Variants in PRKD1 observed in about 807,000 individuals in gnomAD.
PRKD1 encodes the protein protein kinase D1.
PRKD1 carries 63 observed loss-of-function variants against 95.9 expected under a neutral mutation model. That is an observed-to-expected ratio of 0.66 (90% CI 0.54 to 0.81). The LOEUF (loss-of-function observed/expected upper bound fraction) is 0.81, where lower values mean the gene tolerates loss of function less well. Ranked by LOEUF, PRKD1 falls within the 30% of genes least tolerant of loss-of-function variation. The pLI is 0.00. For synonymous variants in PRKD1, 425 were observed against 423.1 expected, an observed-to-expected ratio of 1.00 and a Z score of -0.05; for missense variants, 1,048 against 1,165.3, an observed-to-expected ratio of 0.90 and a Z score of 1.47.
intron 1 of PRKD1, among the ~76,000 whole-genome samples, chr14:29,845,011 A>G (rs1221104205): frequency 1.3e-5 from 2 of 152,214 alleles, no homozygotes; most frequent in Admixed American, 6.5e-5. Context: ...CAGTCTTTAC[A>G]TGTGTGCAGC....
intron 1 of PRKD1, among the ~76,000 whole-genome samples, chr14:29,883,000 A>G (rs1893569027): frequency 6.6e-6 from 1 of 152,202 alleles, no homozygotes. Context: ...GGTAATTTAT[A>G]AAGAAAAGAA....
Position 29,634,483 on chromosome 14 carries a change from TC to T in PRKD1, c.1248del (p.Lys417ArgfsTer8). On this transcript the variant is annotated frameshift_variant, in exon 8 of 18. Coordinates refer to ENST00000331968, the MANE Select transcript of PRKD1 (RefSeq NM_002742.3). LOFTEE classifies it high-confidence loss of function. The part of the protein sequence containing the change: ...LMRVVQSVKH[T>X]KRKSSTVMKE... ...TTCATGACTGTGCTGCTTTTCCTCT[TC>T]GTGTGTTTGACAGACTGCACTACCC... 1.2e-6 allele frequency: 2 copies of T among 1,614,092 alleles called. No homozygotes were observed. Among genetic ancestry groups the T allele is most frequent in the Non-Finnish European group, 1.7e-6 (2 of 1,179,972 alleles).
chr14:29,681,446 T>A (rs2139268639), intron 2 of PRKD1, among the ~76,000 whole-genome samples: 1 of 144,648 alleles, frequency 6.9e-6, no homozygotes, highest in Non-Finnish European at 1.5e-5. Context: ...GAGTAATCAG[T>A]TTTATTACAT....
chr14:29,710,303 C>A (rs1266357752), intron 2 of PRKD1, among the ~76,000 whole-genome samples: 3 of 151,960 alleles, frequency 2.0e-5, no homozygotes, highest in African/African-American at 7.3e-5. Flanking sequence ...AGTGGAGAAA[C>A]CTGACAAACA....
intron 1 of PRKD1, among the ~76,000 whole-genome samples, chr14:29,740,894 T>C (rs1260645517): frequency 9.9e-5 from 15 of 152,146 alleles, no homozygotes; most frequent in African/African-American, 2.9e-4. Context: ...AAAAATGTGG[T>C]ACATATACAC....
chr14:29,745,738 A>T (rs1052607729), intron 1 of PRKD1, among the ~76,000 whole-genome samples: 5 of 152,032 alleles, frequency 3.3e-5, no homozygotes, highest in Non-Finnish European at 5.9e-5. Flanking sequence ...GGCCTCCCAA[A>T]GCACTTGGAT....
chr14:29,760,812 T>C (rs1887943020), intron 1 of PRKD1, among the ~76,000 whole-genome samples: 1 of 152,238 alleles, frequency 6.6e-6, no homozygotes, highest in Admixed American at 6.5e-5. Flanking sequence ...GCCTTGATAA[T>C]AACAATCTTC....
intron 13 of PRKD1, among the ~76,000 whole-genome samples, chr14:29,618,732 A>C (rs1347520428): frequency 1.3e-5 from 2 of 152,052 alleles, no homozygotes; most frequent in Non-Finnish European, 2.9e-5. Context: ...TGATGATTAA[A>C]TCAGATCTTG....
intron 1 of PRKD1, among the ~76,000 whole-genome samples, chr14:29,799,018 G>A (rs750066415): frequency 2.0e-5 from 3 of 152,160 alleles, no homozygotes; most frequent in Non-Finnish European, 4.4e-5. Context: ...CGATTTGGCA[G>A]CTGCTTAAGT....
intron 1 of PRKD1, among the ~76,000 whole-genome samples, chr14:29,742,586 C>T (rs760212033): frequency 1.6e-4 from 25 of 152,050 alleles, no homozygotes; most frequent in Admixed American, 5.2e-4. Context: ...GCAAGTTACA[C>T]TTGACCCCAT....
chr14:29,813,210 G>A (rs985457386), intron 1 of PRKD1, among the ~76,000 whole-genome samples: 1 of 152,134 alleles, frequency 6.6e-6, no homozygotes, highest in African/African-American at 2.4e-5. Flanking sequence ...AAGTGTCTAT[G>A]CAAAAGCATA....
At chr14:29,696,241 T>G (rs111894259) in intron 2 of PRKD1, among the ~76,000 whole-genome samples, 1 of 41,400 alleles carries the variant, frequency 2.4e-5, no homozygotes, top group South Asian at 1.0e-3. Flanking sequence ...TATCTAGTAA[T>G]AGAGTCAGGC....
chr14:29,896,826 A>G (rs1273747780), intron 1 of PRKD1, among the ~76,000 whole-genome samples: 1 of 152,048 alleles, frequency 6.6e-6, no homozygotes, highest in African/African-American at 2.4e-5. Context: ...AAAATAAACT[A>G]TAATGTTTAG....
rs138911597 is a variant in PRKD1 at position 29,839,696 on chromosome 14, A to C, written c.264+87553T>G. On this transcript the variant is annotated intron_variant, in intron 1 of 17. Coordinates refer to ENST00000331968, the MANE Select transcript of PRKD1 (RefSeq NM_002742.3). ...TCCCAGCATTTCCATATATCCTCTG[A>C]AATCTAGGCAGAGGTTTCCAAACCT... 9.6e-4 allele frequency among the ~76,000 whole-genome samples: 146 copies of C among 152,072 alleles called. 3 individuals are homozygous for C. Among genetic ancestry groups the C allele is most frequent in the African/African-American group, 3.4e-3 (141 of 41,504 alleles).
chr14:29,894,946 C>T (rs1894069154), intron 1 of PRKD1, among the ~76,000 whole-genome samples: 1 of 152,168 alleles, frequency 6.6e-6, no homozygotes, highest in Non-Finnish European at 1.5e-5. Flanking sequence ...AAAACATGTA[C>T]GTTTAAATAA....
chr14:29,826,592 A>T (rs1458115388), intron 1 of PRKD1, among the ~76,000 whole-genome samples: 1 of 127,864 alleles, frequency 7.8e-6, no homozygotes, highest in Non-Finnish European at 1.6e-5. Flanking sequence ...ATATGATGAA[A>T]ATATATATAC....
chr14:29,922,850 C>T (rs1895170104), intron 1 of PRKD1, among the ~76,000 whole-genome samples: 1 of 152,058 alleles, frequency 6.6e-6, no homozygotes, highest in South Asian at 2.1e-4. Flanking sequence ...ATGTACTGTA[C>T]TTGTAGTCTG....
intron 1 of PRKD1, among the ~76,000 whole-genome samples, chr14:29,750,876 T>C (rs964897094): frequency 2.0e-5 from 3 of 152,182 alleles, no homozygotes; most frequent in Non-Finnish European, 2.9e-5. Flanking sequence ...TAGGAGATAT[T>C]TGCAGGTAAT....
At chr14:29,690,755 TCTC>T (rs1884183281) in intron 2 of PRKD1, among the ~76,000 whole-genome samples, 1 of 152,188 alleles carries the variant, frequency 6.6e-6, no homozygotes, top group South Asian at 2.1e-4. Context: ...CAATTTGAAT[TCTC>T]CTACTTTGTG....
Sources: gnomAD v4.1 joint callset for allele counts (sites outside exome capture counted in the v4.1 genomes callset) on GRCh38, gnomAD v4.1.1 for gene constraint, MANE v1.5 for transcripts, NCBI Gene and HGNC (gene_info 2026-07-23, HGNC 2026-07-21) for gene names.